RIPK4: variants seen among roughly 807,000 people sequenced by gnomAD.
The protein encoded by RIPK4 is receptor-interacting serine/threonine-protein kinase 4.
A neutral mutation model predicts 42.9 loss-of-function variants in RIPK4; 17 were observed. The observed-to-expected ratio is 0.40, with a 90% confidence interval of 0.27 to 0.59. The LOEUF (loss-of-function observed/expected upper bound fraction) is 0.59, where lower values mean the gene tolerates loss of function less well. Among genes scored for constraint, RIPK4 ranks in the 20% least tolerant of loss-of-function variants. The probability of loss-of-function intolerance (pLI) is 0.47; values close to 1 mark genes in which losing one functional copy is unlikely to be tolerated. For synonymous variants in RIPK4, 498 were observed against 499.1 expected, an observed-to-expected ratio of 1.00 and a Z score of 0.03; for missense variants, 897 against 1,104.4, an observed-to-expected ratio of 0.81 and a Z score of 2.66.
In RIPK4 at chr21:41,741,266, C is replaced by T. The variant is rs2053371605; in HGVS notation, c.1927G>A (p.Val643Met). ...CSLLAQTPLH[V>M]AAETGHTSTA... is the part of the protein sequence containing the mutation. ...CTCGTGTGCCCCGTCTCCGCGGCCACGTGCAGGGGTGTCTGTGCCAGCAGG... is the reference window on the plus strand; with the variant it reads ...CTCGTGTGCCCCGTCTCCGCGGCCATGTGCAGGGGTGTCTGTGCCAGCAGG... The change falls in exon 8 of 8, where the codon GTG becomes ATG. Residue 643 changes from valine (V) to methionine (M), a missense_variant. By Grantham distance (21) the Val-to-Met change is conservative (BLOSUM62 1). Transcript: ENST00000332512. The T allele has an allele frequency of 4.4e-6, 7 of 1,608,316 alleles. No individual in the cohort carries two copies. The highest frequency in any genetic ancestry group is 1.6e-4 in the Middle Eastern group (1 of 6,082).
In RIPK4 at chr21:41,739,929, T is replaced by C. The variant is rs143524427; in HGVS notation, c.*909A>G. ...ATACTATGTAATTTTATCTTCATAC[T>C]GCGTGTGGAGATAAAAAACACAGCT... On this transcript the variant is annotated 3_prime_UTR_variant, in exon 8 of 8. Transcript: ENST00000332512. The C allele has an allele frequency of 6.6e-6, 1 of 152,270 alleles. No homozygotes were observed. Among genetic ancestry groups the C allele is most frequent in the African/African-American group, 2.4e-5 (1 of 41,482 alleles). The allele number at this position is 152,270 out of a possible 1,614,324, so 9.4% of individuals were successfully genotyped here.
Position 41,751,129 on chromosome 21 carries a change from G to A in RIPK4, c.591C>T (p.Ser197=). 1 of 1,614,172 alleles carries A rather than the reference G, an allele frequency of 6.2e-7. No individual in the cohort carries two copies. Among genetic ancestry groups the A allele is most frequent in the Non-Finnish European group, 8.5e-7 (1 of 1,180,028 alleles). ...CATCGTGCTTGGTGTCGAAGAGCCG[G>A]CTCTTCTCCCTGATGCGCTCTGGAG... The part of the protein sequence containing the change: ...YLPPERIREK[S]RLFDTKHDVY... Residue 197 remains serine (S), a synonymous_variant, in exon 3 of 8, where the codon AGC becomes AGT. Transcript: ENST00000332512. This position sits in a 1 kb window ranked among gnomAD's most constrained non-coding sequence, Gnocchi z 4.5.
At chr21:41,749,397 T>TA (rs1206689244) in intron 3 of RIPK4, among the ~76,000 whole-genome samples, 194 bp from the exon 4 acceptor site, 1 of 152,156 alleles carries the variant, frequency 6.6e-6, no homozygotes, top group Non-Finnish European at 1.5e-5. Flanking sequence ...ATAGCTCAGA[T>TA]GTCAGACAGA....
chr21:41,751,676 G>C lies in RIPK4; in HGVS notation c.475-431C>G, dbSNP rs1312149194. Among the ~76,000 whole-genome samples the C allele has an allele frequency of 6.6e-6, 1 of 152,218 alleles. No individual in the cohort carries two copies. The highest frequency in any genetic ancestry group is 2.4e-5 in the African/African-American group (1 of 41,466). Reference sequence around the variant, plus strand: ...CAGGTCTGCTCCTAGAGAAGTCGGGGAGCAGGTTATGCAACCTGCCAGCTG... The same window carrying C: ...CAGGTCTGCTCCTAGAGAAGTCGGGCAGCAGGTTATGCAACCTGCCAGCTG... On this transcript the variant is annotated intron_variant, in intron 2 of 7. Coordinates refer to ENST00000332512, the MANE Select transcript of RIPK4 (RefSeq NM_020639.3). The surrounding 1 kb of genome is among the most constrained non-coding windows in gnomAD (Gnocchi z 4.5).
intron 4 of RIPK4, among the ~76,000 whole-genome samples, chr21:41,748,651 G>A (rs1174840324): frequency 1.3e-5 from 2 of 152,216 alleles, no homozygotes; most frequent in African/African-American, 4.8e-5. Flanking sequence ...GTTTTGTTCT[G>A]TGTATTTTAT....
rs746771067 is a variant in RIPK4, at chr21:41,744,138, C to G, written c.939G>C (p.Val313=). 2 of 1,583,986 alleles carry G rather than the reference C, an allele frequency of 1.3e-6. No homozygotes were observed. The highest frequency in any genetic ancestry group is 2.7e-5 in the African/African-American group (2 of 74,172). ...AGGCCCGCTTGAGCCTCGCAGGCAC[C>G]ACCTGCGAAGATGCAGAAGAGGGGG... ...VKSPPEPRSE[V]VPARLKRASA... is the part of the protein sequence containing the mutation. Residue 313 remains valine (V), a splice_region_variant and synonymous_variant, in exon 7 of 8, where the codon GTG becomes GTC. Coordinates refer to ENST00000332512, the MANE Select transcript of RIPK4 (RefSeq NM_020639.3).
chr21:41,742,055 T>C lies in RIPK4; in HGVS notation c.1196-58A>G, dbSNP rs2061156455. The C allele has an allele frequency of 6.8e-7, 1 of 1,462,508 alleles. No homozygotes were observed. Among genetic ancestry groups the C allele is most frequent in the Non-Finnish European group, 9.2e-7 (1 of 1,084,766 alleles). 90.6% of individuals were successfully genotyped at this position (1,462,508 alleles called of 1,614,324 possible). A position where few individuals can be genotyped will look rare whatever the true frequency, so the allele number is the denominator to read the frequency against. ...TGGCTGCACATCCAGGGACGTGGCG[T>C]CTCTGGGAGCCTGGCTGTGGCGCTC... On this transcript the variant is annotated intron_variant, in intron 7 of 7. Transcript: ENST00000332512. This position sits in a 1 kb window ranked among gnomAD's most constrained non-coding sequence, Gnocchi z 5.1.
chr21:41,750,667 G>C (rs1368618113), intron 3 of RIPK4, among the ~76,000 whole-genome samples: 1 of 152,062 alleles, frequency 6.6e-6, no homozygotes, highest in Non-Finnish European at 1.5e-5. Context: ...CTTCTATGTG[G>C]ACTTAGCCCC....
rs1003097094 is a variant in RIPK4, at chr21:41,746,491, T to G, written c.832+122A>C. On this transcript the variant is annotated intron_variant, in intron 5 of 7. Transcript: ENST00000332512. ...TCCAACCTATCTGTGCAGGGCTCATTTCGGCCCACCTGTTACACGCCTTGT... is the reference window on the plus strand; with the variant it reads ...TCCAACCTATCTGTGCAGGGCTCATGTCGGCCCACCTGTTACACGCCTTGT... 6 of 1,229,532 alleles carry G rather than the reference T, an allele frequency of 4.9e-6. No homozygotes were observed. In the African/African-American group the frequency reaches 9.0e-5, roughly 18 times the overall value. 76.2% of individuals were successfully genotyped at this position (1,229,532 alleles called of 1,614,324 possible). A position where few individuals can be genotyped will look rare whatever the true frequency, so the allele number is the denominator to read the frequency against.
intron 6 of RIPK4, 138 bp from the exon 7 acceptor site, chr21:41,744,278 A>T (rs765676126): frequency 1.2e-6 from 1 of 807,604 alleles, no homozygotes; most frequent in Non-Finnish European, 1.9e-6. Context: ...GAAGCAATGC[A>T]GATAACCTAT....
chr21:41,754,725 ACTCCCACCCC>A (rs2061198031), intron 2 of RIPK4, among the ~76,000 whole-genome samples: 1 of 149,678 alleles, frequency 6.7e-6, no homozygotes, highest in African/African-American at 2.5e-5. Context: ...CCCCAGGAGC[ACTCCCACCCC>A]CTCCCACAGG....
intron 1 of RIPK4, among the ~76,000 whole-genome samples, chr21:41,763,473 T>C (rs1044513174): frequency 2.0e-5 from 3 of 152,060 alleles, no homozygotes; most frequent in Admixed American, 6.5e-5. Context: ...GACATGGTCT[T>C]GTGCAAGCGG....
intron 6 of RIPK4, among the ~76,000 whole-genome samples, chr21:41,745,515 T>C (rs974771637): frequency 1.3e-5 from 2 of 152,148 alleles, no homozygotes; most frequent in Non-Finnish European, 2.9e-5. Context: ...AGTGGCTATT[T>C]AGTGTCAGGG....
rs1446070645 is a variant in RIPK4 at position 41,751,747 on chromosome 21, C to T, written c.475-502G>A. On this transcript the variant is annotated intron_variant, in intron 2 of 7. Coordinates refer to ENST00000332512, the MANE Select transcript of RIPK4 (RefSeq NM_020639.3). The surrounding 1 kb of genome is among the most constrained non-coding windows in gnomAD (Gnocchi z 4.5). ...GCTGCAAGTCCTTTAAAGGGAAACACAGAAACACACCTTCAGAAGCCCTTT... is the reference window on the plus strand; with the variant it reads ...GCTGCAAGTCCTTTAAAGGGAAACATAGAAACACACCTTCAGAAGCCCTTT... 2.0e-5 allele frequency among the ~76,000 whole-genome samples: 3 copies of T among 152,198 alleles called. No individual in the cohort carries two copies. The South Asian group carries it at 6.2e-4, about 31-fold the overall frequency.
In RIPK4 at chr21:41,742,059, T is replaced by C. The variant is rs1301065869; in HGVS notation, c.1196-62A>G. 11 of 1,442,444 alleles carry C rather than the reference T, an allele frequency of 7.6e-6. No individual in the cohort carries two copies. Among genetic ancestry groups the C allele is most frequent in the Non-Finnish European group, 1.0e-5 (11 of 1,068,064 alleles). The allele number at this position is 1,442,444 out of a possible 1,614,324, so 89.4% of individuals were successfully genotyped here. On this transcript the variant is annotated intron_variant, in intron 7 of 7. Transcript: ENST00000332512. This position sits in a 1 kb window ranked among gnomAD's most constrained non-coding sequence, Gnocchi z 5.1. ...TGCACATCCAGGGACGTGGCGTCTCTGGGAGCCTGGCTGTGGCGCTCAGGT... is the reference window on the plus strand; with the variant it reads ...TGCACATCCAGGGACGTGGCGTCTCCGGGAGCCTGGCTGTGGCGCTCAGGT...
intron 2 of RIPK4, among the ~76,000 whole-genome samples, chr21:41,752,538 T>G (rs1004523004): frequency 6.6e-6 from 1 of 152,110 alleles, no homozygotes; most frequent in Admixed American, 6.5e-5. Context: ...CCACTTCCAT[T>G]TCTCCCAGGG....
At chr21:41,756,389 C>T (rs2061203494) in intron 2 of RIPK4, 136 bp downstream of exon 2, 3 of 1,156,654 alleles carry the variant, frequency 2.6e-6, no homozygotes, top group Non-Finnish European at 3.6e-6. Context: ...GCCTCGGTTT[C>T]AAGCTCTTTC....
At chr21:41,766,744 G>T in intron 1 of RIPK4, 116 bp downstream of exon 1, 1 of 1,127,900 alleles carries the variant, frequency 8.9e-7, no homozygotes, top group Non-Finnish European at 1.2e-6. Flanking sequence ...TTTCCCCCCC[G>T]AAGCTGCTCC....
chr21:41,743,563 G>A (rs1250236916), intron 7 of RIPK4, among the ~76,000 whole-genome samples: 5 of 152,140 alleles, frequency 3.3e-5, no homozygotes, highest in Admixed American at 6.5e-5. Flanking sequence ...AGTGGGGCTC[G>A]GCTACTCGCC....
Sources: allele counts gnomAD v4.1 joint callset (sites outside exome capture counted in the v4.1 genomes callset), GRCh38; gene constraint gnomAD v4.1.1; non-coding constraint Gnocchi (gnomAD v3.1); transcripts MANE v1.5; gene names NCBI Gene and HGNC (gene_info 2026-07-23, HGNC 2026-07-21).